ZRANB3: variants seen among roughly 807,000 people sequenced by gnomAD.
ZRANB3 encodes the protein DNA annealing helicase and endonuclease ZRANB3.
Under a neutral mutation model 133.8 loss-of-function variants are expected in ZRANB3, and 125 were observed. The ratio of observed to expected loss-of-function variants is 0.93; its 90% CI spans 0.81 to 1.08. The LOEUF is 1.08. ZRANB3 is among the 50% of genes least tolerant of loss of function. ZRANB3 has a pLI of 0.00. For missense variants in ZRANB3, 1,229 were observed against 1,275.5 expected (o/e 0.96, Z 0.56); for synonymous variants, 387 against 432.7 (o/e 0.89, Z 1.31).
chr2:135,208,767 A>G (rs957122758), intron 18 of ZRANB3, 101 bp downstream of exon 18: 14 of 1,002,916 alleles, frequency 1.4e-5, no homozygotes, highest in Non-Finnish European at 1.9e-5. Context: ...TGTAACCTCT[A>G]AAGTGGTCAT....
At chr2:135,300,936 C>T (rs924573140) in intron 8 of ZRANB3, among the ~76,000 whole-genome samples, 1 of 152,152 alleles carries the variant, frequency 6.6e-6, no homozygotes, top group Admixed American at 6.5e-5. Context: ...AAATTACAAA[C>T]TATGAACTGT....
At chr2:135,376,756 A>G (rs1420444810) in intron 3 of ZRANB3, among the ~76,000 whole-genome samples, 2 of 152,254 alleles carry the variant, frequency 1.3e-5, no homozygotes, top group Non-Finnish European at 2.9e-5. Flanking sequence ...TGATACTATA[A>G]TGATGAATAC....
At chr2:135,516,103 T>G (rs563354722) in intron 1 of ZRANB3, among the ~76,000 whole-genome samples, 2 of 152,130 alleles carry the variant, frequency 1.3e-5, no homozygotes, top group South Asian at 4.1e-4. Context: ...CAACCCCTGT[T>G]TTTTCTTTTT....
At chr2:135,422,264 T>C (rs1688891279) in intron 2 of ZRANB3, among the ~76,000 whole-genome samples, 1 of 152,144 alleles carries the variant, frequency 6.6e-6, no homozygotes, top group Non-Finnish European at 1.5e-5. Flanking sequence ...CTCTCATCTC[T>C]CTTGAACCCA....
intron 3 of ZRANB3, among the ~76,000 whole-genome samples, chr2:135,358,312 C>T (rs976837041): frequency 2.0e-5 from 3 of 152,092 alleles, no homozygotes; most frequent in South Asian, 2.1e-4. Flanking sequence ...TTTTTATCTT[C>T]GTATCTACAT....
intron 8 of ZRANB3, among the ~76,000 whole-genome samples, chr2:135,306,684 G>A (rs1682723183): frequency 6.6e-6 from 1 of 151,560 alleles, no homozygotes; most frequent in Admixed American, 6.6e-5. Context: ...CGATTCCTGG[G>A]TTCAAGCAAT....
chr2:135,461,895 T>C (rs572755036), intron 2 of ZRANB3, among the ~76,000 whole-genome samples: 1 of 152,284 alleles, frequency 6.6e-6, no homozygotes, highest in South Asian at 2.1e-4. Context: ...ATTTAAAACA[T>C]ATAAATCATT....
chr2:135,358,655 A>G (rs1291654141), intron 3 of ZRANB3, among the ~76,000 whole-genome samples: 5 of 152,196 alleles, frequency 3.3e-5, no homozygotes, highest in African/African-American at 9.6e-5. Flanking sequence ...AAAAGAAAAA[A>G]AAGTTTCTCA....
intron 1 of ZRANB3, among the ~76,000 whole-genome samples, chr2:135,527,541 CTG>C (rs1353407132): frequency 6.6e-6 from 1 of 150,976 alleles, no homozygotes; most frequent in African/African-American, 2.4e-5. Context: ...GAGCAAGACT[CTG>C]TCGCAAAATA....
chr2:135,515,037 C>T (rs1693642834), intron 1 of ZRANB3, among the ~76,000 whole-genome samples: 1 of 152,094 alleles, frequency 6.6e-6, no homozygotes, highest in Non-Finnish European at 1.5e-5. Context: ...ATTCAGTTTG[C>T]CAGTATTTTA....
intron 16 of ZRANB3, 126 bp from the exon 17 acceptor site, chr2:135,217,733 C>T: frequency 8.7e-7 from 1 of 1,149,574 alleles, no homozygotes; most frequent in East Asian, 2.6e-5. Flanking sequence ...TTTTGAGTTC[C>T]ATAACCTAAG....
At chr2:135,482,746 A>T (rs1008274033) in intron 2 of ZRANB3, among the ~76,000 whole-genome samples, 6 of 152,310 alleles carry the variant, frequency 3.9e-5, no homozygotes, top group Non-Finnish European at 7.3e-5. Context: ...TGATACTGGC[A>T]GTGGGTTTGT....
intron 2 of ZRANB3, among the ~76,000 whole-genome samples, chr2:135,492,364 C>T (rs143215310): frequency 6.6e-6 from 1 of 152,142 alleles, no homozygotes; most frequent in Non-Finnish European, 1.5e-5. Context: ...GCTAGGAAAG[C>T]ATGGACAGAA....
chr2:135,454,452 G>A (rs999545602), intron 2 of ZRANB3, among the ~76,000 whole-genome samples: 2 of 151,478 alleles, frequency 1.3e-5, no homozygotes, highest in South Asian at 2.1e-4. Context: ...TTAATAATCT[G>A]AACAGCTTTA....
At chr2:135,279,708 C>G (rs1326097754) in intron 8 of ZRANB3, among the ~76,000 whole-genome samples, 1 of 152,144 alleles carries the variant, frequency 6.6e-6, no homozygotes. Context: ...ATGCCAATGC[C>G]AAAGTTCAAG....
chr2:135,319,225 CAA>C lies in ZRANB3; in HGVS notation c.678-3697_678-3696del, dbSNP rs1683404833. Among the ~76,000 whole-genome samples, 6 of 152,180 alleles carry C rather than the reference CAA, an allele frequency of 3.9e-5. No homozygotes were observed. The South Asian group carries it at 1.2e-3, about 32-fold the overall frequency. ...ATATGAGTCTATAATGAAAAAAACACAAGTTACACAAAACAAAAAATTTATAA... is the reference window on the plus strand; with the variant it reads ...ATATGAGTCTATAATGAAAAAAACACGTTACACAAAACAAAAAATTTATAA... On this transcript the variant is annotated intron_variant, in intron 6 of 20. Coordinates refer to ENST00000264159, the MANE Select transcript of ZRANB3 (RefSeq NM_032143.4).
chr2:135,305,866 G>A (rs1243513374), intron 8 of ZRANB3, among the ~76,000 whole-genome samples: 3 of 152,058 alleles, frequency 2.0e-5, no homozygotes, highest in Non-Finnish European at 2.9e-5. Flanking sequence ...ATTTTTGGCT[G>A]AAAGCTTTTT....
In ZRANB3 at chr2:135,295,758, G is replaced by A. The variant is rs537049049; in HGVS notation, c.966+17731C>T. 1.2e-3 allele frequency among the ~76,000 whole-genome samples: 183 copies of A among 151,820 alleles called. 1 individual carries two copies. The highest frequency in any genetic ancestry group is 4.2e-3 in the African/African-American group (175 of 41,366). ...GTTTAGTGCTTCCTTCAGGAGCTCT[G>A]GTAGGGCAGGTCTGGTGGTGACAAA... On this transcript the variant is annotated intron_variant, in intron 8 of 20. Transcript: ENST00000264159.
intron 2 of ZRANB3, among the ~76,000 whole-genome samples, chr2:135,405,317 A>C (rs542363788): frequency 6.6e-6 from 1 of 152,210 alleles, no homozygotes; most frequent in African/African-American, 2.4e-5. Context: ...CAGATTCATA[A>C]AGCAAGTCAT....
Sources: gnomAD v4.1 joint callset for allele counts (sites outside exome capture counted in the v4.1 genomes callset) on GRCh38, gnomAD v4.1.1 for gene constraint, MANE v1.5 for transcripts, NCBI Gene and HGNC (gene_info 2026-07-23, HGNC 2026-07-21) for gene names.